The following DICER1 variants were observed in gnomAD, a reference collection of about 807,000 sequenced individuals.
DICER1 encodes the protein endoribonuclease Dicer.
A neutral mutation model predicts 194.1 loss-of-function variants in DICER1; 43 were observed. That is an observed-to-expected ratio of 0.22 (90% confidence interval 0.17 to 0.29). DICER1 has a LOEUF of 0.29. Among genes scored for constraint, DICER1 ranks in the 10% least tolerant of loss-of-function variants. The pLI is 1.00. For synonymous variants in DICER1, 832 were observed against 820.5 expected, an observed-to-expected ratio of 1.01 and a Z score of -0.24; for missense variants, 1,608 against 2,317.0, an observed-to-expected ratio of 0.69 and a Z score of 6.28.
intron 6 of DICER1, among the ~76,000 whole-genome samples, chr14:95,128,057 G>A (rs1182774957): frequency 6.6e-6 from 1 of 152,040 alleles, no homozygotes; most frequent in Admixed American, 6.6e-5. Context: ...ATCCTCATAA[G>A]GAAAACTCCC....
intron 7 of DICER1, among the ~76,000 whole-genome samples, chr14:95,125,763 G>A (rs187684141): frequency 5.7e-5 from 4 of 70,520 alleles, no homozygotes; most frequent in African/African-American, 1.3e-4. Flanking sequence ...GGGAGGAGGG[G>A]GAGGGGAGGG....
rs1566776382 is a variant in DICER1, at chr14:95,107,867, A to AT, written c.2650+12dup. The AT allele has an allele frequency of 3.4e-5, 55 of 1,609,392 alleles. No individual in the cohort carries two copies. The highest frequency in any genetic ancestry group is 4.2e-5 in the Non-Finnish European group (49 of 1,177,822). On this transcript the variant is annotated intron_variant, in intron 16 of 26. Coordinates refer to ENST00000343455, the MANE Select transcript of DICER1 (RefSeq NM_177438.3). Reference sequence around the variant, plus strand: ...GTGTCTAGAGTTATCAAAGTAAGAGATTTTTTTCTTACCAACATTAAGAGG... The same window carrying AT: ...GTGTCTAGAGTTATCAAAGTAAGAGATTTTTTTTCTTACCAACATTAAGAGG...
At chr14:95,148,835 C>T (rs180681044) in intron 1 of DICER1, among the ~76,000 whole-genome samples, 8 of 152,174 alleles carry the variant, frequency 5.3e-5, no homozygotes, top group Admixed American at 2.0e-4. Context: ...ATTTGTCCTA[C>T]AGTTTTGTTT....
intron 9 of DICER1, among the ~76,000 whole-genome samples, chr14:95,116,903 A>T (rs1201151552): frequency 6.6e-6 from 1 of 152,126 alleles, no homozygotes; most frequent in Non-Finnish European, 1.5e-5. Flanking sequence ...ATTTAATGAG[A>T]CTCTCCAATT....
chr14:95,157,070 G>A (rs144691459), intron 1 of DICER1, among the ~76,000 whole-genome samples, 160 bp downstream of exon 1: 1 of 151,390 alleles, frequency 6.6e-6, no homozygotes, highest in African/African-American at 2.4e-5. Context: ...GCGGGACGAC[G>A]AGGCAGGCGA....
In DICER1 at chr14:95,133,322, T is replaced by C. The variant is rs1595468517; in HGVS notation, c.137A>G (p.Lys46Arg). 6.2e-7 allele frequency: 1 copy of C among 1,614,152 alleles called. No individual in the cohort carries two copies. The highest frequency in any genetic ancestry group is 8.5e-7 in the Non-Finnish European group (1 of 1,180,020). Reference protein sequence around the residue: ...AIHDNIYTPRKYQVELLEAAL... With the variant: ...AIHDNIYTPRRYQVELLEAAL... ...TAGTGTTCGCATTAGTACCTGATATTTTCTTGGCGTATAAATGTTATCATG... is the reference window on the plus strand; with the variant it reads ...TAGTGTTCGCATTAGTACCTGATATCTTCTTGGCGTATAAATGTTATCATG... The change falls in exon 2 of 27, where the codon AAA (lysine) becomes AGA (arginine). Residue 46 changes from lysine (K) to arginine (R), a missense_variant. Coordinates refer to ENST00000343455, the MANE Select transcript of DICER1 (RefSeq NM_177438.3).
At chr14:95,127,988 A>G (rs1203743919) in intron 6 of DICER1, among the ~76,000 whole-genome samples, 1 of 152,184 alleles carries the variant, frequency 6.6e-6, no homozygotes, top group East Asian at 1.9e-4. Context: ...ATCCATTTCC[A>G]TATCTGTGTG....
chr14:95,157,970 G>A (rs767498647), upstream of DICER1: 1 of 152,202 alleles, frequency 6.6e-6, no homozygotes, highest in Admixed American at 6.5e-5. Context: ...AGTGGTGCAG[G>A]GGCCTCCGCA....
At position 95,113,232 on chromosome 14, in the gene DICER1, G is replaced by A; in HGVS notation, c.1908-8C>T. Reference sequence around the variant, plus strand: ...GGTAATCTAGCACAGTATCTGTGAAGAAAAAGAAATTCTGAGGCTGAATCT... The same window carrying A: ...GGTAATCTAGCACAGTATCTGTGAAAAAAAAGAAATTCTGAGGCTGAATCT... On this transcript the variant is annotated splice_polypyrimidine_tract_variant and splice_region_variant and intron_variant, in intron 11 of 26. Transcript: ENST00000343455. 1 of 1,613,326 alleles carries A rather than the reference G, an allele frequency of 6.2e-7. No individual in the cohort carries two copies. The highest frequency in any genetic ancestry group is 8.5e-7 in the Non-Finnish European group (1 of 1,179,288).
At chr14:95,108,186 G>T in intron 15 of DICER1, 93 bp from the exon 16 acceptor site, 2 of 1,304,162 alleles carry the variant, frequency 1.5e-6, no homozygotes, top group Non-Finnish European at 2.2e-6. Flanking sequence ...GCTTTCTAGT[G>T]GAGAAATAGA....
chr14:95,116,058 GACACACACAC>G (rs150390018), intron 10 of DICER1, among the ~76,000 whole-genome samples: 2,229 of 143,026 alleles, frequency 0.016, 57 homozygotes, highest in African/African-American at 0.053. Context: ...TGCCTACACA[GACACACACAC>G]ACACACACAC....
rs555588962 is a variant in DICER1 at position 95,123,827 on chromosome 14, TTAACACAATGTC to T, written c.1376+357_1376+368del. Among the ~76,000 whole-genome samples, 784 of 152,360 alleles carry T rather than the reference TTAACACAATGTC, an allele frequency of 5.1e-3. 3 individuals are homozygous for T. The highest frequency in any genetic ancestry group is 0.017 in the African/African-American group (726 of 41,580). ...GAGGGGAACACTTGGTGTGAAATGC[TTAACACAATGTC>T]TAACACATAGTTAAGGATTAATAAA... On this transcript the variant is annotated intron_variant, in intron 8 of 26. Coordinates refer to ENST00000343455, the MANE Select transcript of DICER1 (RefSeq NM_177438.3).
rs1172093117 is a variant in DICER1, at chr14:95,132,703, A to G, written c.145-26T>C. 1 of 1,610,084 alleles carries G rather than the reference A, an allele frequency of 6.2e-7. No individual in the cohort carries two copies. The highest frequency in any genetic ancestry group is 8.5e-7 in the Non-Finnish European group (1 of 1,176,868). The stretch of plus-strand genomic sequence containing the variant: ...CTAGAAACATGGTGAAAAAAAAGTT[A>G]TGCACTTCTTACCTAAGTACAAAAT... On this transcript the variant is annotated intron_variant, in intron 2 of 26. Coordinates refer to ENST00000343455, the MANE Select transcript of DICER1 (RefSeq NM_177438.3).
Position 95,125,806 on chromosome 14 carries a change from GAGAA to G in DICER1, c.903+770_903+773del, listed in dbSNP as rs371668547. Among the ~76,000 whole-genome samples the G allele has an allele frequency of 2.4e-4, 33 of 136,076 alleles. No homozygotes were observed. The South Asian group carries it at 2.6e-3, about 11-fold the overall frequency. 89.3% of individuals were successfully genotyped at this position (136,076 alleles called of 152,430 possible). ...GGGGAGGTACAGAAAGAGGAGAGGA[GAGAA>G]AGAGAGAGAGAGAGGAAAAAAAGAC... is the stretch of plus-strand genomic sequence containing the variant. On this transcript the variant is annotated intron_variant, in intron 7 of 26. Coordinates refer to ENST00000343455, the MANE Select transcript of DICER1 (RefSeq NM_177438.3).
At chr14:95,099,995 G>C in intron 21 of DICER1, 60 bp from the exon 22 acceptor site, 1 of 1,579,374 alleles carries the variant, frequency 6.3e-7, no homozygotes, top group East Asian at 2.2e-5. Flanking sequence ...ATTCATTCAA[G>C]GCATATTAAC....
At chr14:95,153,108 TC>T (rs1289086544) in intron 1 of DICER1, among the ~76,000 whole-genome samples, 1 of 151,874 alleles carries the variant, frequency 6.6e-6, no homozygotes, top group East Asian at 1.9e-4. Context: ...TCCCAGCTAC[TC>T]GGGAGGCTGA....
chr14:95,123,863 A>C (rs909187375), intron 8 of DICER1, among the ~76,000 whole-genome samples: 1 of 152,240 alleles, frequency 6.6e-6, no homozygotes, highest in Non-Finnish European at 1.5e-5. Flanking sequence ...AGGATTAATA[A>C]ATATCTGAAT....
rs774796640 is a variant in DICER1 at position 95,153,962 on chromosome 14, G to C, written c.-46+3268C>G. 4.6e-5 allele frequency among the ~76,000 whole-genome samples: 7 copies of C among 152,302 alleles called. No individual in the cohort carries two copies. In the Middle Eastern group the frequency reaches 0.01, roughly 222 times the overall value. ...TGCAAAGAAACCTGTGAATAAGAGC[G>C]AGTATAATACATACACTGGGCTTTC... is the stretch of plus-strand genomic sequence containing the variant. On this transcript the variant is annotated intron_variant, in intron 1 of 26. Coordinates refer to ENST00000343455, the MANE Select transcript of DICER1 (RefSeq NM_177438.3).
chr14:95,104,395 C>A (rs575319798), intron 20 of DICER1, among the ~76,000 whole-genome samples: 5 of 152,304 alleles, frequency 3.3e-5, no homozygotes, highest in African/African-American at 9.6e-5. Flanking sequence ...GGACCTGGGG[C>A]CTAGCTTCAC....
Sources: allele counts gnomAD v4.1 joint callset (sites outside exome capture counted in the v4.1 genomes callset), GRCh38; gene constraint gnomAD v4.1.1; transcripts MANE v1.5; gene names NCBI Gene and HGNC (gene_info 2026-07-23, HGNC 2026-07-21).